Variants in TSPAN9 observed in about 807,000 individuals in gnomAD.
TSPAN9 encodes tetraspanin-9.
In TSPAN9, 16 loss-of-function variants were observed where a neutral mutation model predicts 31.0. The ratio of observed to expected loss-of-function variants is 0.52; its 90% CI spans 0.35 to 0.78. The LOEUF (loss-of-function observed/expected upper bound fraction) is 0.78. Ranked by LOEUF, TSPAN9 falls within the 30% of genes least tolerant of loss-of-function variation. The pLI, the probability that TSPAN9 is intolerant of heterozygous loss-of-function variation, is 0.01. For synonymous variants in TSPAN9, 145 were observed against 121.6 expected (o/e 1.19, Z -1.27); for missense variants, 272 against 312.5 (o/e 0.87, Z 0.98).
intron 2 of TSPAN9, among the ~76,000 whole-genome samples, chr12:3,196,578 C>T (rs1375145473): frequency 6.6e-6 from 1 of 152,092 alleles, no homozygotes; most frequent in African/African-American, 2.4e-5. Context: ...GAAGCTGGGT[C>T]CCTGGGGTAA....
At chr12:3,156,084 G>A (rs1315065059) in intron 2 of TSPAN9, among the ~76,000 whole-genome samples, 2 of 152,190 alleles carry the variant, frequency 1.3e-5, no homozygotes, top group Non-Finnish European at 2.9e-5. Context: ...GGAGGTTTCA[G>A]ATCAGTGACA....
At chr12:3,182,918 G>C (rs1201133591) in intron 2 of TSPAN9, among the ~76,000 whole-genome samples, 2 of 152,262 alleles carry the variant, frequency 1.3e-5, no homozygotes, top group African/African-American at 4.8e-5. Flanking sequence ...CAGAGTGGCG[G>C]AGACAGGGTC....
intron 2 of TSPAN9, among the ~76,000 whole-genome samples, chr12:3,089,114 C>T (rs1323578682): frequency 6.6e-6 from 1 of 151,328 alleles, no homozygotes; most frequent in Admixed American, 6.6e-5. Flanking sequence ...CGCCTGTAGT[C>T]CCAGCCACTC....
At chr12:3,212,213 G>T (rs1475761537) in intron 3 of TSPAN9, among the ~76,000 whole-genome samples, 2 of 151,592 alleles carry the variant, frequency 1.3e-5, no homozygotes, top group African/African-American at 2.4e-5. Context: ...CTCGTGATCT[G>T]CCAGCCTCGG....
At chr12:3,214,441 C>T (rs1171038636) in intron 3 of TSPAN9, among the ~76,000 whole-genome samples, 3 of 152,152 alleles carry the variant, frequency 2.0e-5, no homozygotes, top group East Asian at 1.9e-4. Context: ...CTGGAGTGAG[C>T]GGCTGCCTGC....
At chr12:3,152,709 C>G (rs1032668293) in intron 2 of TSPAN9, among the ~76,000 whole-genome samples, 7 of 152,210 alleles carry the variant, frequency 4.6e-5, no homozygotes, top group Admixed American at 4.6e-4. Flanking sequence ...GCCCCCGCCT[C>G]TCAAGTAGCT....
intron 2 of TSPAN9, among the ~76,000 whole-genome samples, chr12:3,149,232 C>T (rs545429868): frequency 4.6e-5 from 7 of 152,236 alleles, no homozygotes; most frequent in South Asian, 2.1e-4. Context: ...TTGTTTCTTC[C>T]GGCTTACTGG....
chr12:3,278,967 C>A (rs1211112717), intron 4 of TSPAN9, 25 bp from the exon 5 acceptor site: 2 of 1,612,718 alleles, frequency 1.2e-6, no homozygotes, highest in Non-Finnish European at 1.7e-6. Context: ...TACCACCTAC[C>A]CATGCCTGGC....
intron 2 of TSPAN9, among the ~76,000 whole-genome samples, chr12:3,114,842 CA>C (rs34841785): frequency 0.066 from 4,846 of 73,704 alleles, 75 homozygotes; most frequent in African/African-American, 0.1. Context: ...GGCTCCATCT[CA>C]AAAAAAAAAA....
intron 3 of TSPAN9, chr12:3,273,128 C>CCCAGA (rs1295469417): frequency 6.6e-6 from 1 of 152,248 alleles, no homozygotes; most frequent in Admixed American, 6.5e-5. Context: ...CAGGGCACGG[C>CCCAGA]CCAGACCAGA....
At chr12:3,155,661 A>AG (rs916450523) in intron 2 of TSPAN9, among the ~76,000 whole-genome samples, 9 of 151,522 alleles carry the variant, frequency 5.9e-5, no homozygotes, top group Non-Finnish European at 1.0e-4. Flanking sequence ...TCCCTTTGGG[A>AG]GGAGTTAGGC....
At chr12:3,227,337 C>T (rs993052446) in intron 3 of TSPAN9, among the ~76,000 whole-genome samples, 4 of 152,162 alleles carry the variant, frequency 2.6e-5, no homozygotes, top group Non-Finnish European at 5.9e-5. Context: ...CCATTTTGCC[C>T]TGCTGGGGGC....
chr12:3,164,058 G>C (rs962489972), intron 2 of TSPAN9, among the ~76,000 whole-genome samples: 2 of 152,178 alleles, frequency 1.3e-5, no homozygotes, highest in Non-Finnish European at 2.9e-5. Flanking sequence ...AAGCTATAGA[G>C]GTCCTTTGGG....
intron 2 of TSPAN9, among the ~76,000 whole-genome samples, chr12:3,181,552 C>A (rs557911081): frequency 6.6e-6 from 1 of 152,246 alleles, no homozygotes; most frequent in Non-Finnish European, 1.5e-5. Flanking sequence ...TGCCTGGTGA[C>A]CTCTGGCCTG....
intron 2 of TSPAN9, among the ~76,000 whole-genome samples, chr12:3,180,968 G>T (rs1000044296): frequency 6.6e-6 from 1 of 151,830 alleles, no homozygotes; most frequent in Non-Finnish European, 1.5e-5. Flanking sequence ...AGATGTAGGA[G>T]TTCAGGGCCC....
intron 3 of TSPAN9, chr12:3,206,359 C>T (rs942027413): frequency 2.6e-5 from 12 of 455,946 alleles, no homozygotes; most frequent in Admixed American, 4.7e-5. Flanking sequence ...GTCGTGGAAT[C>T]GGGAGGTCAT....
intron 2 of TSPAN9, among the ~76,000 whole-genome samples, chr12:3,155,442 A>G (rs1402124727): frequency 6.6e-6 from 1 of 152,116 alleles, no homozygotes; most frequent in African/African-American, 2.4e-5. Context: ...AGAAGAGACC[A>G]TATCTTCCAG....
Position 3,203,092 on chromosome 12 carries a change from T to C in TSPAN9, c.63+1836T>C, listed in dbSNP as rs540676064. 6.6e-5 allele frequency among the ~76,000 whole-genome samples: 10 copies of C among 152,324 alleles called. No homozygotes were observed. The South Asian group carries it at 1.7e-3, about 25-fold the overall frequency. On this transcript the variant is annotated intron_variant, in intron 3 of 8. Transcript: ENST00000011898. ...CCCACCCTGCCTATATTAAGCCTTA[T>C]TAGGAAGACAGACCCTGGGGCTTGT...
At chr12:3,152,244 C>T (rs1014034102) in intron 2 of TSPAN9, among the ~76,000 whole-genome samples, 4 of 152,216 alleles carry the variant, frequency 2.6e-5, no homozygotes, top group African/African-American at 9.6e-5. Flanking sequence ...TGCCTGGCCA[C>T]CAGGGAGGCT....
Sources: allele counts gnomAD v4.1 joint callset (sites outside exome capture counted in the v4.1 genomes callset), GRCh38; gene constraint gnomAD v4.1.1; transcripts MANE v1.5; gene names NCBI Gene and HGNC (gene_info 2026-07-23, HGNC 2026-07-21).